DGKB: variants seen among roughly 807,000 people sequenced by gnomAD.
The protein encoded by DGKB is diacylglycerol kinase beta.
Under a neutral mutation model 114.3 loss-of-function variants are expected in DGKB, and 67 were observed. The observed-to-expected ratio is 0.59, with a 90% CI of 0.48 to 0.72. DGKB has a LOEUF of 0.72. DGKB is among the 30% of genes least tolerant of loss of function. The pLI is 0.00. For missense variants in DGKB, 907 were observed against 975.2 expected (o/e 0.93, Z 0.93); for synonymous variants, 398 against 323.1 (o/e 1.23, Z -2.49).
intron 21 of DGKB, among the ~76,000 whole-genome samples, chr7:14,453,866 G>A (rs1275301607): frequency 5.9e-5 from 9 of 152,122 alleles, no homozygotes; most frequent in African/African-American, 2.2e-4. Context: ...GGCCAGAACT[G>A]GCATATGGGC....
intron 1 of DGKB, among the ~76,000 whole-genome samples, chr7:14,944,869 A>G (rs1471313593): frequency 6.6e-6 from 1 of 151,868 alleles, no homozygotes; most frequent in Non-Finnish European, 1.5e-5. Context: ...CCATAAGTAT[A>G]TCATAAGGTA....
chr7:14,681,339 A>C (rs1453560299), intron 12 of DGKB, among the ~76,000 whole-genome samples: 1 of 152,062 alleles, frequency 6.6e-6, no homozygotes, highest in Non-Finnish European at 1.5e-5. Flanking sequence ...GATTGCAGAA[A>C]ATGTATTCAT....
intron 13 of DGKB, among the ~76,000 whole-genome samples, chr7:14,635,261 G>A (rs1484866229): frequency 1.1e-5 from 1 of 89,390 alleles, no homozygotes; most frequent in Non-Finnish European, 2.2e-5. Context: ...GATTGTTTAT[G>A]TCTATTTGTA....
chr7:14,964,830 C>T (rs1007357683), intron 1 of DGKB, among the ~76,000 whole-genome samples: 1 of 152,098 alleles, frequency 6.6e-6, no homozygotes, highest in Non-Finnish European at 1.5e-5. Flanking sequence ...ACATTATAGG[C>T]TTTTATGGTA....
intron 21 of DGKB, among the ~76,000 whole-genome samples, chr7:14,393,643 G>C (rs62444607): frequency 2.0e-5 from 3 of 152,098 alleles, no homozygotes; most frequent in Admixed American, 6.6e-5. Context: ...TATTTACATT[G>C]CTAATTTAGC....
chr7:14,785,612 G>A (rs1310686392), intron 2 of DGKB, among the ~76,000 whole-genome samples: 1 of 152,154 alleles, frequency 6.6e-6, no homozygotes, highest in Non-Finnish European at 1.5e-5. Flanking sequence ...AAGACCACCT[G>A]CATCAAAAAC....
intron 23 of DGKB, among the ~76,000 whole-genome samples, chr7:14,223,753 G>A (rs1215261863): frequency 6.6e-6 from 1 of 151,624 alleles, no homozygotes; most frequent in African/African-American, 2.4e-5. Flanking sequence ...TCATTTATGA[G>A]AGACTTTTGA....
intron 23 of DGKB, among the ~76,000 whole-genome samples, chr7:14,260,024 G>A (rs890037819): frequency 6.6e-6 from 1 of 150,524 alleles, no homozygotes; most frequent in Non-Finnish European, 1.5e-5. Context: ...TTCATGTCCT[G>A]ACTTTGAAAC....
At chr7:14,283,707 C>T (rs1432966079) in intron 23 of DGKB, among the ~76,000 whole-genome samples, 4 of 152,096 alleles carry the variant, frequency 2.6e-5, no homozygotes, top group Admixed American at 2.6e-4. Context: ...AGAAATAACG[C>T]TGCATATCTA....
intron 21 of DGKB, among the ~76,000 whole-genome samples, chr7:14,428,503 C>A (rs1827930606): frequency 6.6e-6 from 1 of 152,000 alleles, no homozygotes; most frequent in Admixed American, 6.6e-5. Context: ...CTGCTCATAC[C>A]AATATTTTTC....
At chr7:14,852,543 C>A (rs1324057509) in intron 1 of DGKB, among the ~76,000 whole-genome samples, 1 of 122,408 alleles carries the variant, frequency 8.2e-6, no homozygotes, top group Non-Finnish European at 1.7e-5. Flanking sequence ...GGTTCTAAGC[C>A]CAGAAAAAGA....
intron 2 of DGKB, among the ~76,000 whole-genome samples, chr7:14,838,653 G>A (rs1051886570): frequency 4.6e-5 from 7 of 151,758 alleles, no homozygotes; most frequent in African/African-American, 1.7e-4. Flanking sequence ...CATGATCTAC[G>A]TTATGCAGTC....
chr7:14,472,924 G>C (rs572555601), intron 21 of DGKB, among the ~76,000 whole-genome samples: 1 of 152,248 alleles, frequency 6.6e-6, no homozygotes, highest in South Asian at 2.1e-4. Flanking sequence ...AGGTGACTTG[G>C]GTGCTGTTAA....
chr7:14,687,117 C>G (rs1007101716), intron 9 of DGKB, among the ~76,000 whole-genome samples: 1 of 152,128 alleles, frequency 6.6e-6, no homozygotes, highest in Admixed American at 6.5e-5. Context: ...CCCACTCTGT[C>G]GTTCCCATGA....
At chr7:14,863,780 T>C (rs1421243376) in intron 1 of DGKB, among the ~76,000 whole-genome samples, 3 of 151,992 alleles carry the variant, frequency 2.0e-5, no homozygotes, top group Admixed American at 1.3e-4. Context: ...TCTGGGGCAG[T>C]ATATGTTAAA....
At chr7:14,637,225 C>T (rs1424136004) in intron 13 of DGKB, among the ~76,000 whole-genome samples, 3 of 151,906 alleles carry the variant, frequency 2.0e-5, no homozygotes, top group African/African-American at 4.8e-5. Context: ...AATTTCAGAG[C>T]TGCATGTAAT....
intron 1 of DGKB, among the ~76,000 whole-genome samples, chr7:14,962,441 A>C (rs1786902459): frequency 6.6e-6 from 1 of 152,184 alleles, no homozygotes; most frequent in Admixed American, 6.5e-5. Flanking sequence ...GGAATGAAAT[A>C]ATTTATTCTG....
chr7:14,873,278 A>G (rs1289588013), intron 1 of DGKB, among the ~76,000 whole-genome samples: 3 of 152,050 alleles, frequency 2.0e-5, no homozygotes, highest in African/African-American at 7.2e-5. Flanking sequence ...GCATTCAAAT[A>G]CTCACTTAGT....
intron 23 of DGKB, among the ~76,000 whole-genome samples, chr7:14,291,248 G>A (rs958085082): frequency 6.6e-6 from 1 of 151,944 alleles, no homozygotes; most frequent in African/African-American, 2.4e-5. Context: ...GATCCATGGT[G>A]CTACCATTAA....
Sources: gnomAD v4.1 joint callset for allele counts (sites outside exome capture counted in the v4.1 genomes callset) on GRCh38, gnomAD v4.1.1 for gene constraint, MANE v1.5 for transcripts, NCBI Gene and HGNC (gene_info 2026-07-23, HGNC 2026-07-21) for gene names.